The following ZCCHC17 variants were observed in gnomAD, a reference collection of about 807,000 sequenced individuals.
The protein encoded by ZCCHC17 is zinc finger CCHC-type containing 17, also known as zinc finger CCHC domain-containing protein 17.
Under a neutral mutation model 30.6 loss-of-function variants are expected in ZCCHC17, and 18 were observed. That is an observed-to-expected ratio of 0.59 (90% CI 0.41 to 0.87). ZCCHC17 has a LOEUF of 0.87. ZCCHC17 is among the 40% of genes least tolerant of loss of function. The pLI is 0.00. For missense variants in ZCCHC17, 263 were observed against 284.2 expected (o/e 0.93, Z 0.54); for synonymous variants, 88 against 92.4 (o/e 0.95, Z 0.27).
chr1:31,305,294 T>G (rs1009205265), intron 1 of ZCCHC17, among the ~76,000 whole-genome samples: 6 of 152,054 alleles, frequency 3.9e-5, no homozygotes, highest in Non-Finnish European at 8.8e-5. Context: ...AATTTCTTTT[T>G]TTTGAGACAG....
chr1:31,351,743 AAAC>A (rs1397935148), intron 7 of ZCCHC17, among the ~76,000 whole-genome samples: 3 of 152,152 alleles, frequency 2.0e-5, no homozygotes, highest in Non-Finnish European at 4.4e-5. Flanking sequence ...CCCTGCCTCA[AAAC>A]AACAACAACA....
At chr1:31,350,020 T>C (rs185747637) in intron 7 of ZCCHC17, among the ~76,000 whole-genome samples, 8 of 152,318 alleles carry the variant, frequency 5.3e-5, no homozygotes, top group Non-Finnish European at 7.3e-5. Flanking sequence ...TCAGAGCACC[T>C]GTCTCACTGA....
chr1:31,343,966 T>G (rs916290715), intron 5 of ZCCHC17, among the ~76,000 whole-genome samples: 1 of 149,336 alleles, frequency 6.7e-6, no homozygotes, highest in Admixed American at 6.7e-5. Flanking sequence ...GCAATTCTCC[T>G]GCCTCAGCCT....
intron 1 of ZCCHC17, among the ~76,000 whole-genome samples, chr1:31,307,395 T>C (rs1646488886): frequency 6.6e-6 from 1 of 152,004 alleles, no homozygotes; most frequent in Non-Finnish European, 1.5e-5. Flanking sequence ...ACAATGTAAG[T>C]TCATTTCTGC....
At chr1:31,349,557 T>C (rs953707665) in intron 7 of ZCCHC17, among the ~76,000 whole-genome samples, 1 of 152,100 alleles carries the variant, frequency 6.6e-6, no homozygotes, top group African/African-American at 2.4e-5. Flanking sequence ...GATCTCAAAC[T>C]CCTGGCCTCA....
chr1:31,336,960 C>A, intron 3 of ZCCHC17: 1 of 377,768 alleles, frequency 2.6e-6, no homozygotes, highest in Non-Finnish European at 4.8e-6. Flanking sequence ...AGGCATGAGC[C>A]ACTGTGCCCG....
chr1:31,322,960 C>A (rs1012764689), intron 3 of ZCCHC17, among the ~76,000 whole-genome samples: 2 of 152,022 alleles, frequency 1.3e-5, no homozygotes. Flanking sequence ...TTCCTTGTGA[C>A]CTGCCCGTCT....
intron 3 of ZCCHC17, among the ~76,000 whole-genome samples, chr1:31,325,891 G>A (rs1459257290): frequency 1.3e-5 from 2 of 152,096 alleles, no homozygotes; most frequent in African/African-American, 2.4e-5. Context: ...TTAGCTGGGT[G>A]TGGTGGCAGA....
At chr1:31,332,568 A>C (rs752344496) in intron 3 of ZCCHC17, among the ~76,000 whole-genome samples, 1 of 152,132 alleles carries the variant, frequency 6.6e-6, no homozygotes, top group African/African-American at 2.4e-5. Context: ...ATAGAAAAAT[A>C]GAGGGAAAAA....
chr1:31,322,135 C>A (rs558968160), intron 3 of ZCCHC17, among the ~76,000 whole-genome samples: 1 of 152,218 alleles, frequency 6.6e-6, no homozygotes, highest in Admixed American at 6.5e-5. Flanking sequence ...TCGATTTTAT[C>A]TGAGATGTTT....
chr1:31,319,278 G>A, intron 3 of ZCCHC17, 112 bp downstream of exon 3: 1 of 921,366 alleles, frequency 1.1e-6, no homozygotes, highest in Non-Finnish European at 1.6e-6. Context: ...TCATTCCTTT[G>A]TTTTCTTTTT....
At chr1:31,361,134 G>A (rs1639873973) in intron 7 of ZCCHC17, among the ~76,000 whole-genome samples, 1 of 152,204 alleles carries the variant, frequency 6.6e-6, no homozygotes, top group Non-Finnish European at 1.5e-5. Flanking sequence ...CAGCAACATA[G>A]CTAAACTATT....
intron 7 of ZCCHC17, among the ~76,000 whole-genome samples, chr1:31,350,685 C>T (rs2377786): frequency 0.55 from 82,420 of 151,178 alleles, 23,260 homozygotes; most frequent in Non-Finnish European, 0.62. Flanking sequence ...TTGCAGCTTC[C>T]GCCTCCCAGG....
At chr1:31,351,042 C>A (rs1639452045) in intron 7 of ZCCHC17, among the ~76,000 whole-genome samples, 1 of 152,112 alleles carries the variant, frequency 6.6e-6, no homozygotes, top group Admixed American at 6.5e-5. Flanking sequence ...GTTATGACAG[C>A]CCTAATTATC....
At chr1:31,333,126 C>G (rs796276714) in intron 3 of ZCCHC17, 7 of 152,156 alleles carry the variant, frequency 4.6e-5, no homozygotes, top group African/African-American at 1.7e-4. Flanking sequence ...TAAGTTGTTT[C>G]CAGTTTTTCA....
chr1:31,339,169 G>A (rs768886588), intron 5 of ZCCHC17, 121 bp downstream of exon 5: 20 of 723,100 alleles, frequency 2.8e-5, no homozygotes, highest in East Asian at 1.1e-4. Flanking sequence ...GATAAGTTAC[G>A]TAACCTTTGC....
At chr1:31,310,977 ACT>A (rs892427110) in intron 2 of ZCCHC17, among the ~76,000 whole-genome samples, 5 of 150,492 alleles carry the variant, frequency 3.3e-5, no homozygotes, top group African/African-American at 1.2e-4. Flanking sequence ...ATTAGTTAAA[ACT>A]CTCTATCTCT....
chr1:31,329,204 A>G (rs6425741), intron 3 of ZCCHC17, among the ~76,000 whole-genome samples: 119,023 of 152,144 alleles, frequency 0.78, 46,976 homozygotes, highest in African/African-American at 0.84. Context: ...CAGGAAAATG[A>G]ACAAATGTAT....
At chr1:31,344,963 A>T (rs4531329) in intron 5 of ZCCHC17, among the ~76,000 whole-genome samples, 81,954 of 150,368 alleles carry the variant, frequency 0.55, 23,131 homozygotes, top group Non-Finnish European at 0.62. Context: ...GGCTTAAGTG[A>T]TCCTCCTGCC....
Sources: gnomAD v4.1 joint callset for allele counts (sites outside exome capture counted in the v4.1 genomes callset) on GRCh38, gnomAD v4.1.1 for gene constraint, MANE v1.5 for transcripts, NCBI Gene and HGNC (gene_info 2026-07-23, HGNC 2026-07-21) for gene names.